Variants in CBLN2 observed in about 807,000 individuals in gnomAD.
CBLN2 encodes cerebellin-2.
A neutral mutation model predicts 15.0 loss-of-function variants in CBLN2; 7 were observed. The observed-to-expected ratio is 0.47, with a 90% CI of 0.27 to 0.88. The LOEUF is 0.88. Ranked by LOEUF, CBLN2 falls within the 40% of genes least tolerant of loss-of-function variation. The pLI, the probability that CBLN2 is intolerant of heterozygous loss-of-function variation, is 0.14. For missense variants in CBLN2, 242 were observed against 304.5 expected (o/e 0.79, Z 1.53); for synonymous variants, 149 against 135.2 (o/e 1.10, Z -0.71).
intron 1 of CBLN2, among the ~76,000 whole-genome samples, chr18:72,583,126 C>T (rs2069417194): frequency 6.6e-6 from 1 of 152,124 alleles, no homozygotes; most frequent in African/African-American, 2.4e-5. Flanking sequence ...CCTGCCAGGA[C>T]AAGAGTGAGG....
chr18:72,617,690 T>C (rs886347742), intron 1 of CBLN2, among the ~76,000 whole-genome samples: 2 of 152,200 alleles, frequency 1.3e-5, no homozygotes, highest in African/African-American at 2.4e-5. Flanking sequence ...TTGTACCATA[T>C]AGGATGCTGT....
chr18:72,581,678 T>C (rs2069406023), intron 1 of CBLN2, among the ~76,000 whole-genome samples: 1 of 152,220 alleles, frequency 6.6e-6, no homozygotes, highest in South Asian at 2.1e-4. Flanking sequence ...TAACATCTTT[T>C]CCCCTCTTTA....
rs1351015005 is a variant in CBLN2 at position 72,591,243 on chromosome 18, A to T, written c.15+47082T>A. 2.0e-5 allele frequency among the ~76,000 whole-genome samples: 3 copies of T among 152,210 alleles called. No individual in the cohort carries two copies. In the East Asian group the frequency reaches 5.8e-4, roughly 29 times the overall value. ...TATTAACTTATTTTACTCTAACTCAATTAATTTAAAGTGATAAATATTATA... is the reference window on the plus strand; with the variant it reads ...TATTAACTTATTTTACTCTAACTCATTTAATTTAAAGTGATAAATATTATA... On this transcript the variant is annotated intron_variant, in intron 1 of 2. Coordinates refer to the CBLN2 transcript ENST00000581073.
intron 1 of CBLN2, among the ~76,000 whole-genome samples, chr18:72,580,458 C>T (rs1439328069): frequency 2.0e-5 from 3 of 152,094 alleles, no homozygotes; most frequent in Non-Finnish European, 2.9e-5. Flanking sequence ...TCCCTTTAAC[C>T]TCTAAAAAAT....
chr18:72,583,286 G>GATA (rs1458562589), intron 1 of CBLN2, among the ~76,000 whole-genome samples: 2 of 152,218 alleles, frequency 1.3e-5, no homozygotes, highest in Admixed American at 1.3e-4. Context: ...AGCTGTCTGG[G>GATA]ATACCTCATC....
chr18:72,552,699 A>T (rs904558254), intron 1 of CBLN2: 5 of 152,230 alleles, frequency 3.3e-5, no homozygotes, highest in African/African-American at 1.2e-4. Flanking sequence ...ATATAATTTT[A>T]AATAATATAT....
In CBLN2 at chr18:72,543,199, G is replaced by T. The variant is rs908180374; in HGVS notation, c.-167+287C>A. The T allele has an allele frequency of 6.6e-6, 2 of 302,818 alleles. No homozygotes were observed. The highest frequency in any genetic ancestry group is 5.1e-5 in the Admixed American group (1 of 19,484). 18.8% of individuals were successfully genotyped at this position (302,818 alleles called of 1,614,324 possible). A position where few individuals can be genotyped will look rare whatever the true frequency, so the allele number is the denominator to read the frequency against. ...CCGTCTGCACTTTTGCCCCGTCCCCGCTCCTCCCAGGAAAGCAGACAGGCC... is the reference window on the plus strand; with the variant it reads ...CCGTCTGCACTTTTGCCCCGTCCCCTCTCCTCCCAGGAAAGCAGACAGGCC... On this transcript the variant is annotated intron_variant, in intron 2 of 4. Coordinates refer to ENST00000269503, the MANE Select transcript of CBLN2 (RefSeq NM_182511.4). This position sits in a 1 kb window ranked among gnomAD's most constrained non-coding sequence, Gnocchi z 6.8.
At chr18:72,621,593 T>C (rs564270345) in intron 1 of CBLN2, among the ~76,000 whole-genome samples, 18 of 152,326 alleles carry the variant, frequency 1.2e-4, no homozygotes, top group African/African-American at 3.8e-4. Context: ...ACAAATCTCA[T>C]CAGGCCTTGC....
rs1055511505 is a variant in CBLN2 at position 72,638,152 on chromosome 18, T to C, written c.15+173A>G. Among the ~76,000 whole-genome samples the C allele has an allele frequency of 2.0e-5, 3 of 152,364 alleles. No individual in the cohort carries two copies. The South Asian group carries it at 6.2e-4, about 32-fold the overall frequency. On this transcript the variant is annotated intron_variant, in intron 1 of 2. Transcript: ENST00000581073. ...TTGCAAAACAGCCTGTGGCTTCCAGTAAGTTCCAAAGGAATACTTATTACT... is the reference window on the plus strand; with the variant it reads ...TTGCAAAACAGCCTGTGGCTTCCAGCAAGTTCCAAAGGAATACTTATTACT...
chr18:72,633,855 G>A (rs1330891942), intron 1 of CBLN2, among the ~76,000 whole-genome samples: 1 of 151,974 alleles, frequency 6.6e-6, no homozygotes, highest in African/African-American at 2.4e-5. Flanking sequence ...TATTGTAAAA[G>A]CAATCAAATC....
At chr18:72,626,277 C>A (rs1489154674) in intron 1 of CBLN2, among the ~76,000 whole-genome samples, 1 of 151,656 alleles carries the variant, frequency 6.6e-6, no homozygotes, top group Non-Finnish European at 1.5e-5. Flanking sequence ...TTTTTTTAAT[C>A]AGTAGGGACA....
intron 1 of CBLN2, among the ~76,000 whole-genome samples, chr18:72,572,767 C>T (rs981562896): frequency 1.2e-4 from 18 of 151,546 alleles, no homozygotes; most frequent in Admixed American, 1.3e-4. Flanking sequence ...AAGAGAGCTT[C>T]GTGAATAGAA....
At chr18:72,617,550 T>A (rs2144962327) in intron 1 of CBLN2, among the ~76,000 whole-genome samples, 1 of 152,308 alleles carries the variant, frequency 6.6e-6, no homozygotes, top group African/African-American at 2.4e-5. Context: ...AGATAAAACA[T>A]TAAACCTTTA....
intron 1 of CBLN2, among the ~76,000 whole-genome samples, chr18:72,576,887 A>G (rs2069370789): frequency 6.7e-6 from 1 of 148,846 alleles, no homozygotes; most frequent in Admixed American, 6.7e-5. Context: ...ACAAATATAT[A>G]TATAAAATTA....
At position 72,595,154 on chromosome 18, in the gene CBLN2, C is replaced by T. The variant is rs762086937; in HGVS notation, c.15+43171G>A. Among the ~76,000 whole-genome samples the T allele has an allele frequency of 3.0e-4, 45 of 151,724 alleles. 1 individual carries two copies. Among genetic ancestry groups the T allele is most frequent in the South Asian group, 2.1e-4 (1 of 4,798 alleles). ...TATTTGAAGTTTACTCCTTTTTTCT[C>T]ATAGGTGCTTATTGCTATAAACTAC... On this transcript the variant is annotated intron_variant, in intron 1 of 2. Transcript: ENST00000581073.
intron 1 of CBLN2, among the ~76,000 whole-genome samples, chr18:72,585,947 G>A (rs895714540): frequency 2.0e-5 from 3 of 152,234 alleles, no homozygotes; most frequent in Admixed American, 2.0e-4. Flanking sequence ...TCCAAAATCA[G>A]AGTGAGCACC....
rs545451367 is a variant in CBLN2 at position 72,627,234 on chromosome 18, A to C, written c.15+11091T>G. Among the ~76,000 whole-genome samples, 17 of 152,332 alleles carry C rather than the reference A, an allele frequency of 1.1e-4. No homozygotes were observed. In the East Asian group the frequency reaches 3.3e-3, roughly 29 times the overall value. On this transcript the variant is annotated intron_variant, in intron 1 of 2. Coordinates refer to the CBLN2 transcript ENST00000581073. Reference sequence around the variant, plus strand: ...AATCAATAGCAGAATGGATAAATAAATATATTCGGGATGCTATTTTGACTG... The same window carrying C: ...AATCAATAGCAGAATGGATAAATAACTATATTCGGGATGCTATTTTGACTG...
At chr18:72,601,888 C>G (rs1481878964) in intron 1 of CBLN2, among the ~76,000 whole-genome samples, 3 of 152,214 alleles carry the variant, frequency 2.0e-5, no homozygotes, top group African/African-American at 7.2e-5. Context: ...CTCCCTTTGG[C>G]TCTAACAGTA....
chr18:72,582,199 T>A (rs1315605264), intron 1 of CBLN2, among the ~76,000 whole-genome samples: 1 of 152,222 alleles, frequency 6.6e-6, no homozygotes, highest in Non-Finnish European at 1.5e-5. Context: ...GTGCTTTGGC[T>A]ATTTTTGGGT....
Sources: allele counts gnomAD v4.1 joint callset (sites outside exome capture counted in the v4.1 genomes callset), GRCh38; gene constraint gnomAD v4.1.1; non-coding constraint Gnocchi (gnomAD v3.1); transcripts MANE v1.5; gene names NCBI Gene and HGNC (gene_info 2026-07-23, HGNC 2026-07-21).